Variants in CTNNA2 observed in about 807,000 individuals in gnomAD.
The protein encoded by CTNNA2 is catenin alpha-2.
A neutral mutation model predicts 101.0 loss-of-function variants in CTNNA2; 42 were observed. The observed-to-expected ratio is 0.42, with a 90% CI of 0.32 to 0.54. The LOEUF (loss-of-function observed/expected upper bound fraction) is 0.54. Among genes scored for constraint, CTNNA2 ranks in the 20% least tolerant of loss-of-function variants. CTNNA2 has a pLI of 0.14. For missense variants in CTNNA2, 871 were observed against 1,223.1 expected (o/e 0.71, Z 4.29); for synonymous variants, 450 against 456.4 (o/e 0.99, Z 0.18).
At chr2:79,908,999 T>A (rs1488793590) in intron 6 of CTNNA2, among the ~76,000 whole-genome samples, 1 of 152,232 alleles carries the variant, frequency 6.6e-6, no homozygotes, top group Non-Finnish European at 1.5e-5. Context: ...AATACCTTTA[T>A]AAGGATACTG....
At chr2:79,583,220 T>A (rs890361816) in intron 1 of CTNNA2, among the ~76,000 whole-genome samples, 2 of 151,138 alleles carry the variant, frequency 1.3e-5, no homozygotes, top group African/African-American at 4.8e-5. Flanking sequence ...TATATATATA[T>A]AAAATATATA....
chr2:80,040,743 G>A (rs1049790916), intron 7 of CTNNA2, among the ~76,000 whole-genome samples: 6 of 152,134 alleles, frequency 3.9e-5, no homozygotes, highest in Non-Finnish European at 8.8e-5. Flanking sequence ...CCTAGGCTAC[G>A]AAGATTTTAC....
chr2:79,900,617 G>T (rs1420779755), intron 6 of CTNNA2, among the ~76,000 whole-genome samples: 2 of 152,084 alleles, frequency 1.3e-5, no homozygotes, highest in Non-Finnish European at 1.5e-5. Flanking sequence ...TATGTGGAAA[G>T]AAACAGAATC....
chr2:79,527,696 G>A (rs1672499098), intron 1 of CTNNA2, among the ~76,000 whole-genome samples: 1 of 151,952 alleles, frequency 6.6e-6, no homozygotes, highest in African/African-American at 2.4e-5. Flanking sequence ...AGGTAGAAAT[G>A]TCATTGTAAA....
chr2:79,283,324 G>C (rs926553390), intron 2 of CTNNA2, among the ~76,000 whole-genome samples: 3 of 109,324 alleles, frequency 2.7e-5, no homozygotes, highest in Admixed American at 2.0e-4. Flanking sequence ...TGGACATGAA[G>C]TCCTTGCCCA....
intron 1 of CTNNA2, among the ~76,000 whole-genome samples, chr2:79,532,702 GCT>G (rs1209788728): frequency 6.6e-6 from 1 of 152,004 alleles, no homozygotes; most frequent in Non-Finnish European, 1.5e-5. Context: ...AATTTAATCT[GCT>G]CTCTCAGTCT....
intron 3 of CTNNA2, among the ~76,000 whole-genome samples, chr2:79,830,194 A>T (rs553901431): frequency 6.6e-5 from 10 of 152,204 alleles, no homozygotes; most frequent in African/African-American, 1.9e-4. Flanking sequence ...TAGAGTATTT[A>T]TTCAGTTTAT....
intron 3 of CTNNA2, among the ~76,000 whole-genome samples, chr2:79,835,687 T>TTTTTTTTTGTTTGTTTG (rs1679302513): frequency 7.4e-6 from 1 of 134,858 alleles, no homozygotes; most frequent in African/African-American, 2.8e-5. Flanking sequence ...TTTTTTTTTT[T>TTTTTTTTTGTTTGTTTG]TTTTTTTTTT....
intron 7 of CTNNA2, among the ~76,000 whole-genome samples, chr2:80,059,892 A>C (rs1264810666): frequency 2.0e-5 from 3 of 152,232 alleles, no homozygotes; most frequent in Admixed American, 6.5e-5. Flanking sequence ...ATTCAGGAAC[A>C]AATTCCCCAC....
At chr2:80,607,431 C>G (rs997508436) in intron 16 of CTNNA2, among the ~76,000 whole-genome samples, 2 of 151,832 alleles carry the variant, frequency 1.3e-5, no homozygotes, top group African/African-American at 2.4e-5. Flanking sequence ...CAGCCAAGCT[C>G]TGTGTGTGCT....
At chr2:79,470,764 C>T (rs1670989171) in intron 4 of CTNNA2, among the ~76,000 whole-genome samples, 2 of 152,152 alleles carry the variant, frequency 1.3e-5, no homozygotes, top group African/African-American at 4.8e-5. Flanking sequence ...GCAGATATTT[C>T]TTATTTTACT....
intron 3 of CTNNA2, chr2:79,777,053 G>C (rs936468638): frequency 6.6e-6 from 1 of 152,220 alleles, no homozygotes; most frequent in Non-Finnish European, 1.5e-5. Context: ...TGTGGGACCA[G>C]TAGCCTGACT....
At chr2:80,177,137 G>A (rs1221124864) in intron 7 of CTNNA2, among the ~76,000 whole-genome samples, 2 of 152,128 alleles carry the variant, frequency 1.3e-5, no homozygotes, top group African/African-American at 4.8e-5. Context: ...TGGGGAACAT[G>A]GTGAGACCAG....
chr2:79,713,144 A>G (rs915056974), intron 2 of CTNNA2, among the ~76,000 whole-genome samples: 2 of 152,236 alleles, frequency 1.3e-5, no homozygotes, highest in Admixed American at 6.5e-5. Context: ...GAATCATGCT[A>G]TGCTTATTGA....
chr2:80,250,047 T>A (rs1407813846), intron 7 of CTNNA2, among the ~76,000 whole-genome samples: 1 of 152,150 alleles, frequency 6.6e-6, no homozygotes, highest in Non-Finnish European at 1.5e-5. Flanking sequence ...GATGGAATCA[T>A]TTGCTTCTTG....
At chr2:79,617,772 C>A (rs980774631) in intron 1 of CTNNA2, among the ~76,000 whole-genome samples, 2 of 152,018 alleles carry the variant, frequency 1.3e-5, no homozygotes, top group African/African-American at 4.8e-5. Flanking sequence ...GAAAGCAGAC[C>A]AGATTTAAGA....
chr2:79,845,224 C>G (rs1011978319), intron 3 of CTNNA2, among the ~76,000 whole-genome samples: 2 of 125,016 alleles, frequency 1.6e-5, no homozygotes, highest in Admixed American at 1.8e-4. Flanking sequence ...GGGGGCATTT[C>G]TCTATAGTTG....
At chr2:80,490,371 C>A (rs1029888406) in intron 9 of CTNNA2, among the ~76,000 whole-genome samples, 2 of 143,840 alleles carry the variant, frequency 1.4e-5, no homozygotes, top group African/African-American at 2.6e-5. Flanking sequence ...TCAACTCTGT[C>A]ATTTTAGTTC....
intron 2 of CTNNA2, among the ~76,000 whole-genome samples, chr2:79,727,734 C>G (rs1437695441): frequency 1.9e-4 from 22 of 117,388 alleles, no homozygotes; most frequent in East Asian, 3.1e-4. Flanking sequence ...CCCCTCCCCC[C>G]ACCCCACAAC....
Sources: allele counts gnomAD v4.1 joint callset (sites outside exome capture counted in the v4.1 genomes callset), GRCh38; gene constraint gnomAD v4.1.1; transcripts MANE v1.5; gene names NCBI Gene and HGNC (gene_info 2026-07-23, HGNC 2026-07-21).